KCNB2: variants seen among roughly 807,000 people sequenced by gnomAD.
KCNB2 encodes the protein delayed rectifier potassium channel protein.
In KCNB2, 15 loss-of-function variants were observed where a neutral mutation model predicts 61.5. The ratio of observed to expected loss-of-function variants is 0.24; its 90% confidence interval spans 0.16 to 0.38. KCNB2 has a LOEUF of 0.38. Among genes scored for constraint, KCNB2 ranks in the 10% least tolerant of loss-of-function variants. The pLI is 1.00. For missense variants in KCNB2, 828 were observed against 1,125.2 expected, an observed-to-expected ratio of 0.74 and a Z score of 3.78; for synonymous variants, 457 against 446.0, an observed-to-expected ratio of 1.02 and a Z score of -0.31.
chr8:72,725,083 T>A lies in KCNB2; in HGVS notation c.579+156770T>A, dbSNP rs1041299362. Among the ~76,000 whole-genome samples, 117 of 151,824 alleles carry A rather than the reference T, an allele frequency of 7.7e-4. 1 individual carries two copies. Among genetic ancestry groups the A allele is most frequent in the African/African-American group, 2.8e-3 (115 of 41,364 alleles). On this transcript the variant is annotated intron_variant, in intron 2 of 2. Transcript: ENST00000523207. ...CACTCCCCTTCTCCATTTAAAAAAA[T>A]ATGTTTAAAAAAGAAAATTATTATT...
intron 2 of KCNB2, among the ~76,000 whole-genome samples, chr8:72,611,192 A>G (rs1000056585): frequency 9.9e-5 from 15 of 152,220 alleles, no homozygotes; most frequent in Non-Finnish European, 1.5e-4. Context: ...GTATTTTCTT[A>G]TAGATTTCTG....
intron 2 of KCNB2, among the ~76,000 whole-genome samples, chr8:72,621,240 G>C (rs1344881347): frequency 5.9e-5 from 9 of 152,166 alleles, no homozygotes; most frequent in African/African-American, 2.2e-4. Context: ...CAACGTGTCA[G>C]TAACGACCTC....
intron 2 of KCNB2, chr8:72,619,493 A>T: frequency 4.7e-6 from 1 of 213,364 alleles, no homozygotes. Context: ...TGGGTATGAG[A>T]TTTTGAGTAT....
At chr8:72,802,796 G>A (rs1011927142) in intron 2 of KCNB2, among the ~76,000 whole-genome samples, 1 of 152,116 alleles carries the variant, frequency 6.6e-6, no homozygotes, top group Non-Finnish European at 1.5e-5. Flanking sequence ...TGGTTTTCAT[G>A]TTTGGTTAAA....
chr8:72,903,230 A>G, intron 2 of KCNB2, among the ~76,000 whole-genome samples: 1 of 152,146 alleles, frequency 6.6e-6, no homozygotes, highest in Non-Finnish European at 1.5e-5. Flanking sequence ...CCCTGGTAGC[A>G]CTAGTAGGTG....
intron 2 of KCNB2, among the ~76,000 whole-genome samples, chr8:72,737,365 G>C (rs1289290288): frequency 6.6e-6 from 1 of 152,160 alleles, no homozygotes; most frequent in Non-Finnish European, 1.5e-5. Flanking sequence ...AGCCTGTTCT[G>C]ATTAAAATCT....
chr8:72,597,803 C>A (rs1295165225), intron 2 of KCNB2, among the ~76,000 whole-genome samples: 1 of 151,946 alleles, frequency 6.6e-6, no homozygotes, highest in African/African-American at 2.4e-5. Flanking sequence ...AAGTCCCAAC[C>A]CAAAAATGCT....
chr8:72,738,981 C>T (rs1585863462), intron 2 of KCNB2, among the ~76,000 whole-genome samples: 1 of 152,016 alleles, frequency 6.6e-6, no homozygotes, highest in South Asian at 2.1e-4. Context: ...TCCAACTATA[C>T]CATTTATTAG....
chr8:72,839,225 C>A (rs1356127958), intron 2 of KCNB2, among the ~76,000 whole-genome samples: 2 of 152,006 alleles, frequency 1.3e-5, no homozygotes, highest in African/African-American at 4.8e-5. Flanking sequence ...TAAATATTTT[C>A]TACATTTCTA....
intron 2 of KCNB2, among the ~76,000 whole-genome samples, chr8:72,714,996 G>A (rs969513007): frequency 6.6e-6 from 1 of 152,126 alleles, no homozygotes; most frequent in African/African-American, 2.4e-5. Context: ...ACATAAAAAG[G>A]CAGGGGTTGC....
intron 2 of KCNB2, among the ~76,000 whole-genome samples, chr8:72,597,821 A>G (rs1807223773): frequency 6.6e-6 from 1 of 152,208 alleles, no homozygotes; most frequent in Non-Finnish European, 1.5e-5. Flanking sequence ...GCTAAAAAAG[A>G]AATTAAACAA....
At chr8:72,709,183 T>C (rs150790777) in intron 2 of KCNB2, among the ~76,000 whole-genome samples, 1 of 152,204 alleles carries the variant, frequency 6.6e-6, no homozygotes, top group African/African-American at 2.4e-5. Context: ...AGAACAGAAA[T>C]AAGATTTTTT....
intron 2 of KCNB2, among the ~76,000 whole-genome samples, chr8:72,679,541 C>A (rs1174881762): frequency 6.6e-6 from 1 of 152,176 alleles, no homozygotes; most frequent in African/African-American, 2.4e-5. Context: ...AAGAAGTTAA[C>A]AGCAAATTCA....
At chr8:72,715,146 C>G (rs1368407703) in intron 2 of KCNB2, among the ~76,000 whole-genome samples, 1 of 152,168 alleles carries the variant, frequency 6.6e-6, no homozygotes, top group African/African-American at 2.4e-5. Context: ...TACAGGAGCA[C>G]GCAGATTCGT....
chr8:72,628,197 G>C (rs983619954), intron 2 of KCNB2, among the ~76,000 whole-genome samples: 3 of 152,260 alleles, frequency 2.0e-5, no homozygotes, highest in Admixed American at 1.3e-4. Context: ...CATGTCATCT[G>C]CCCGCCTTGA....
chr8:72,840,786 G>C (rs1809868834), intron 2 of KCNB2, among the ~76,000 whole-genome samples: 1 of 151,840 alleles, frequency 6.6e-6, no homozygotes, highest in Non-Finnish European at 1.5e-5. Flanking sequence ...TAAGTTCCTT[G>C]TAGATTCTGG....
At chr8:72,743,491 T>G (rs1808001796) in intron 2 of KCNB2, among the ~76,000 whole-genome samples, 1 of 152,236 alleles carries the variant, frequency 6.6e-6, no homozygotes, top group Non-Finnish European at 1.5e-5. Flanking sequence ...GCACATTCTT[T>G]GTTTCAAAAG....
intron 2 of KCNB2, among the ~76,000 whole-genome samples, chr8:72,654,442 G>A (rs1806259834): frequency 6.6e-6 from 1 of 152,114 alleles, no homozygotes; most frequent in South Asian, 2.1e-4. Flanking sequence ...CTAGAAGAGT[G>A]CAACATAATA....
At chr8:72,586,353 G>A (rs750444148) in intron 2 of KCNB2, among the ~76,000 whole-genome samples, 26 of 152,124 alleles carry the variant, frequency 1.7e-4, no homozygotes, top group Non-Finnish European at 3.4e-4. Context: ...TTTCTCTATT[G>A]TATACAAAAG....
Sources: allele counts gnomAD v4.1 joint callset (sites outside exome capture counted in the v4.1 genomes callset), GRCh38; gene constraint gnomAD v4.1.1; transcripts MANE v1.5; gene names NCBI Gene and HGNC (gene_info 2026-07-23, HGNC 2026-07-21).